Variants in CAMTA1 observed in about 807,000 individuals in gnomAD.
The protein encoded by CAMTA1 is calmodulin binding transcription activator 1.
Under a neutral mutation model 170.9 loss-of-function variants are expected in CAMTA1, and 27 were observed. That is an observed-to-expected ratio of 0.16 (90% CI 0.12 to 0.22). CAMTA1 has a LOEUF of 0.22. CAMTA1 is among the 10% of genes least tolerant of loss of function. The pLI is 1.00. For synonymous variants in CAMTA1, 833 were observed against 891.5 expected (o/e 0.93, Z 1.17); for missense variants, 1,619 against 2,217.2 (o/e 0.73, Z 5.42).
At chr1:7,481,013 G>A (rs2093523627) in intron 6 of CAMTA1, among the ~76,000 whole-genome samples, 1 of 152,144 alleles carries the variant, frequency 6.6e-6, no homozygotes, top group East Asian at 1.9e-4. Flanking sequence ...AGAGGCTCAA[G>A]CCAACCCTCC....
intron 6 of CAMTA1, among the ~76,000 whole-genome samples, chr1:7,519,275 G>C (rs1316244588): frequency 1.3e-5 from 2 of 151,940 alleles, no homozygotes; most frequent in Non-Finnish European, 2.9e-5. Context: ...TTCGGCAGGT[G>C]GGCAGGGGCC....
At chr1:6,808,484 G>A (rs1054994898) in intron 1 of CAMTA1, among the ~76,000 whole-genome samples, 1 of 152,162 alleles carries the variant, frequency 6.6e-6, no homozygotes, top group Admixed American at 6.5e-5. Context: ...CTGACTTTCT[G>A]TGTCTTCTGT....
At chr1:7,391,328 A>T (rs964771969) in intron 5 of CAMTA1, among the ~76,000 whole-genome samples, 1 of 146,926 alleles carries the variant, frequency 6.8e-6, no homozygotes, top group Admixed American at 6.8e-5. Context: ...CCCTTTACAC[A>T]GTGTGTGTGT....
chr1:7,031,812 A>T (rs1227095531), intron 3 of CAMTA1, among the ~76,000 whole-genome samples: 1 of 152,062 alleles, frequency 6.6e-6, no homozygotes, highest in Non-Finnish European at 1.5e-5. Context: ...AAGTGCTGGG[A>T]TTATAGGCAT....
chr1:7,636,332 G>A (rs77820137), intron 6 of CAMTA1, among the ~76,000 whole-genome samples: 1,550 of 152,334 alleles, frequency 0.01, 27 homozygotes, highest in African/African-American at 0.035. Context: ...TCCACTGCCT[G>A]CGTCAGGCTC....
chr1:6,926,423 C>A (rs1447785358), intron 3 of CAMTA1, among the ~76,000 whole-genome samples: 1 of 134,252 alleles, frequency 7.4e-6, no homozygotes, highest in African/African-American at 2.8e-5. Context: ...CTTTTCTTTT[C>A]TCTTTCTTTC....
At chr1:7,124,612 G>A (rs1013014681) in intron 4 of CAMTA1, among the ~76,000 whole-genome samples, 2 of 152,200 alleles carry the variant, frequency 1.3e-5, no homozygotes, top group Non-Finnish European at 2.9e-5. Context: ...TATTCCAGAT[G>A]GGGGATGCCC....
At chr1:7,594,100 G>GAAGAAAGAAAGAGAGAAAGA (rs1313239145) in intron 6 of CAMTA1, among the ~76,000 whole-genome samples, 24 of 128,944 alleles carry the variant, frequency 1.9e-4, no homozygotes, top group African/African-American at 9.6e-4. Flanking sequence ...AGAGAGGAAA[G>GAAGAAAGAAAGAGAGAAAGA]AAGAAAGAAA....
At chr1:6,986,391 A>G (rs1458925017) in intron 3 of CAMTA1, among the ~76,000 whole-genome samples, 1 of 152,118 alleles carries the variant, frequency 6.6e-6, no homozygotes, top group Non-Finnish European at 1.5e-5. Context: ...AGTTTTGGGG[A>G]GGGCTCACTG....
At chr1:7,140,736 C>A (rs1645841776) in intron 4 of CAMTA1, among the ~76,000 whole-genome samples, 1 of 152,122 alleles carries the variant, frequency 6.6e-6, no homozygotes, top group Non-Finnish European at 1.5e-5. Flanking sequence ...TGTAACAAAG[C>A]TTTAATATAA....
At chr1:7,233,655 C>T (rs1663251486) in intron 4 of CAMTA1, among the ~76,000 whole-genome samples, 1 of 152,074 alleles carries the variant, frequency 6.6e-6, no homozygotes, top group Non-Finnish European at 1.5e-5. Context: ...CCAGACATGC[C>T]AAGTCTAAGT....
At chr1:7,066,929 G>A (rs1400077203) in intron 3 of CAMTA1, among the ~76,000 whole-genome samples, 4 of 152,204 alleles carry the variant, frequency 2.6e-5, no homozygotes, top group African/African-American at 9.7e-5. Context: ...ATTTTACATT[G>A]GCTTGATTAG....
chr1:7,355,676 A>G (rs2085055798), intron 5 of CAMTA1, among the ~76,000 whole-genome samples: 1 of 152,244 alleles, frequency 6.6e-6, no homozygotes, highest in Non-Finnish European at 1.5e-5. Flanking sequence ...TCCTGTCTTC[A>G]GATGCTCCAG....
Position 7,041,088 on chromosome 1 carries a change from C to G in CAMTA1, c.235-50216C>G, listed in dbSNP as rs1704378141. ...GCGGAGGGCCCTTATGCTGCCCTGG[C>G]ATTTTGGAGGAGCAGGGAAATGAGA... On this transcript the variant is annotated intron_variant, in intron 3 of 22. Coordinates refer to ENST00000303635, the MANE Select transcript of CAMTA1 (RefSeq NM_015215.4). This position sits in a 1 kb window ranked among gnomAD's most constrained non-coding sequence, Gnocchi z 5.1. Among the ~76,000 whole-genome samples the G allele has an allele frequency of 6.6e-6, 1 of 152,214 alleles. No individual in the cohort carries two copies. The highest frequency in any genetic ancestry group is 6.5e-5 in the Admixed American group (1 of 15,274).
chr1:7,620,389 C>A (rs1165216352), intron 6 of CAMTA1, among the ~76,000 whole-genome samples: 1 of 152,164 alleles, frequency 6.6e-6, no homozygotes, highest in Non-Finnish European at 1.5e-5. Flanking sequence ...TGGCTTTCAT[C>A]CAGGATACTC....
At chr1:6,834,220 GTTTATT>G (rs985392332) in intron 3 of CAMTA1, 3 of 136,898 alleles carry the variant, frequency 2.2e-5, no homozygotes, top group African/African-American at 8.1e-5. Flanking sequence ...TTCAGTAGTT[GTTTATT>G]TTTATTTATA....
chr1:7,766,255 T>TG (rs1351416103), intron 22 of CAMTA1, among the ~76,000 whole-genome samples: 14 of 151,558 alleles, frequency 9.2e-5, no homozygotes, highest in Non-Finnish European at 1.6e-4. Flanking sequence ...TTAGAATGAT[T>TG]TTTTTTTCAC....
intron 10 of CAMTA1, among the ~76,000 whole-genome samples, chr1:7,675,085 CA>C (rs1317375491): frequency 6.6e-6 from 1 of 152,164 alleles, no homozygotes; most frequent in Non-Finnish European, 1.5e-5. Context: ...CATGGATGAG[CA>C]GAGGCCTCTC....
At chr1:6,920,766 C>T (rs559720955) in intron 3 of CAMTA1, among the ~76,000 whole-genome samples, 1 of 152,356 alleles carries the variant, frequency 6.6e-6, no homozygotes, top group East Asian at 1.9e-4. Context: ...AGGGCTTCCA[C>T]CCTCTGAAGC....
Sources: gnomAD v4.1 joint callset for allele counts (sites outside exome capture counted in the v4.1 genomes callset) on GRCh38, gnomAD v4.1.1 for gene constraint, Gnocchi (gnomAD v3.1) non-coding constraint, MANE v1.5 for transcripts, NCBI Gene and HGNC (gene_info 2026-07-23, HGNC 2026-07-21) for gene names.